The following LINGO2 variants were observed in gnomAD, a reference collection of about 807,000 sequenced individuals.
LINGO2 encodes leucine rich repeat and Ig domain containing 2.
A neutral mutation model predicts 30.6 loss-of-function variants in LINGO2; 14 were observed. The ratio of observed to expected loss-of-function variants is 0.46; its 90% CI spans 0.30 to 0.72. The LOEUF is 0.72. Ranked by LOEUF, LINGO2 falls within the 30% of genes least tolerant of loss-of-function variation. The pLI, the probability that LINGO2 is intolerant of heterozygous loss-of-function variation, is 0.07. For missense variants in LINGO2, 729 were observed against 751.7 expected (o/e 0.97, Z 0.35); for synonymous variants, 317 against 288.5 (o/e 1.10, Z -1.00).
chr9:28,486,705 T>C (rs181264334), intron 1 of LINGO2, among the ~76,000 whole-genome samples: 129 of 116,340 alleles, frequency 1.1e-3, no homozygotes, highest in Admixed American at 8.6e-3. Flanking sequence ...CAAATGGTAC[T>C]TCAATGTAAA....
intron 1 of LINGO2, among the ~76,000 whole-genome samples, chr9:28,550,067 T>C (rs1822194284): frequency 1.3e-5 from 2 of 151,916 alleles, no homozygotes; most frequent in Non-Finnish European, 1.5e-5. Flanking sequence ...TTGCATTTTA[T>C]ATTTTAAATT....
At chr9:28,515,672 A>G (rs1049976845) in intron 1 of LINGO2, among the ~76,000 whole-genome samples, 2 of 152,230 alleles carry the variant, frequency 1.3e-5, no homozygotes, top group African/African-American at 4.8e-5. Flanking sequence ...TGTTCTCATT[A>G]AAGAAAGTGG....
At chr9:28,970,059 C>T in the LINGO2 span, among the ~76,000 whole-genome samples, 7 of 150,818 alleles carry the variant, frequency 4.6e-5, no homozygotes, top group South Asian at 2.1e-4. Flanking sequence ...AGACAGTGTA[C>T]GTGGGAAAAG....
At chr9:28,025,123 G>C (rs190367994) in intron 4 of LINGO2, among the ~76,000 whole-genome samples, 1 of 152,292 alleles carries the variant, frequency 6.6e-6, no homozygotes, top group Admixed American at 6.5e-5. Flanking sequence ...CTTGACAGAT[G>C]ATGCTGAGAA....
the LINGO2 span, among the ~76,000 whole-genome samples, chr9:28,981,317 G>C: frequency 2.0e-5 from 3 of 152,212 alleles, no homozygotes; most frequent in Admixed American, 6.5e-5. Context: ...TTCAGTCAAG[G>C]AATGCCTATG....
At chr9:28,884,848 C>T in the LINGO2 span, among the ~76,000 whole-genome samples, 1 of 130,990 alleles carries the variant, frequency 7.6e-6, no homozygotes, top group African/African-American at 2.9e-5. Flanking sequence ...TATATATATA[C>T]ATATATACAC....
intron 1 of LINGO2, among the ~76,000 whole-genome samples, chr9:28,591,416 T>G (rs1824903934): frequency 6.6e-6 from 1 of 152,094 alleles, no homozygotes; most frequent in Non-Finnish European, 1.5e-5. Context: ...AATAAGCTAT[T>G]TATGACTGTC....
At chr9:28,194,857 T>C (rs7865997) in intron 4 of LINGO2, among the ~76,000 whole-genome samples, 28,994 of 151,850 alleles carry the variant, frequency 0.19, 2,914 homozygotes, top group South Asian at 0.28. Flanking sequence ...AGGTGCAATG[T>C]ACAAAGATCT....
intron 1 of LINGO2, among the ~76,000 whole-genome samples, chr9:28,665,784 T>C (rs1035527884): frequency 6.6e-6 from 1 of 152,134 alleles, no homozygotes; most frequent in South Asian, 2.1e-4. Context: ...CAGGCAATCA[T>C]TCCTCAGTAT....
chr9:28,008,331 T>A (rs1336309241), intron 5 of LINGO2, among the ~76,000 whole-genome samples: 2 of 152,110 alleles, frequency 1.3e-5, no homozygotes, highest in Admixed American at 6.6e-5. Flanking sequence ...GTTATACATA[T>A]AATATAGATG....
chr9:28,431,241 G>T (rs1823664405), intron 2 of LINGO2, among the ~76,000 whole-genome samples: 1 of 152,098 alleles, frequency 6.6e-6, no homozygotes. Flanking sequence ...GGGTGGAGAA[G>T]GTAATCTAAG....
intron 4 of LINGO2, among the ~76,000 whole-genome samples, chr9:28,180,365 TAAAAG>T (rs1326255029): frequency 6.6e-6 from 1 of 152,210 alleles, no homozygotes; most frequent in African/African-American, 2.4e-5. Flanking sequence ...TTGTGGATTT[TAAAAG>T]AAATTTCCAA....
intron 2 of LINGO2, among the ~76,000 whole-genome samples, chr9:28,416,625 C>T (rs1822978115): frequency 6.6e-6 from 1 of 152,064 alleles, no homozygotes; most frequent in African/African-American, 2.4e-5. Context: ...AGCTTCAAAT[C>T]CCATGCAAGA....
At chr9:28,904,572 CA>C in the LINGO2 span, among the ~76,000 whole-genome samples, 1 of 150,970 alleles carries the variant, frequency 6.6e-6, no homozygotes, top group Non-Finnish European at 1.5e-5. Context: ...ATGAACTCTC[CA>C]AAAAAGAAAC....
the LINGO2 span, among the ~76,000 whole-genome samples, chr9:28,883,464 G>A: frequency 5.3e-5 from 8 of 151,484 alleles, no homozygotes; most frequent in Admixed American, 1.3e-4. Context: ...TAATTCGTCA[G>A]ATATCAGATC....
At chr9:28,711,613 C>A in the LINGO2 span, among the ~76,000 whole-genome samples, 1 of 152,248 alleles carries the variant, frequency 6.6e-6, no homozygotes, top group South Asian at 2.1e-4. Context: ...CTTGGGACAA[C>A]ACATAATTCA....
At chr9:28,762,687 C>T in the LINGO2 span, among the ~76,000 whole-genome samples, 17 of 151,992 alleles carry the variant, frequency 1.1e-4, no homozygotes, top group African/African-American at 3.4e-4. Flanking sequence ...TTGTCCCCTT[C>T]CCCTAACATA....
chr9:29,062,938 G>A, the LINGO2 span, among the ~76,000 whole-genome samples: 5 of 152,148 alleles, frequency 3.3e-5, no homozygotes, highest in Admixed American at 6.6e-5. Context: ...TGACCTGGAG[G>A]GAACCAAAGA....
the LINGO2 span, among the ~76,000 whole-genome samples, chr9:28,895,437 G>T: frequency 2.0e-5 from 3 of 152,140 alleles, no homozygotes; most frequent in Admixed American, 6.6e-5. Flanking sequence ...AGTACTTCTT[G>T]AGGGACATCT....
Sources: gnomAD v4.1 joint callset for allele counts (sites outside exome capture counted in the v4.1 genomes callset) on GRCh38, gnomAD v4.1.1 for gene constraint, MANE v1.5 for transcripts, NCBI Gene and HGNC (gene_info 2026-07-23, HGNC 2026-07-21) for gene names.